Variants in KCND3 observed in about 807,000 individuals in gnomAD.
KCND3 encodes potassium voltage-gated channel subfamily D member 3, also known as A-type voltage-gated potassium channel KCND3.
A neutral mutation model predicts 51.1 loss-of-function variants in KCND3; 9 were observed. That is an observed-to-expected ratio of 0.18 (90% confidence interval 0.11 to 0.31). The LOEUF (loss-of-function observed/expected upper bound fraction) is 0.31, where lower values mean the gene tolerates loss of function less well. Ranked by LOEUF, KCND3 falls within the 10% of genes least tolerant of loss-of-function variation. The probability of loss-of-function intolerance (pLI) is 1.00; values close to 1 mark genes in which losing one functional copy is unlikely to be tolerated. For synonymous variants in KCND3, 349 were observed against 368.0 expected (o/e 0.95, Z 0.59); for missense variants, 526 against 903.8 (o/e 0.58, Z 5.36).
chr1:111,901,941 G>A (rs971581949), intron 2 of KCND3, among the ~76,000 whole-genome samples: 8 of 152,200 alleles, frequency 5.3e-5, no homozygotes, highest in Non-Finnish European at 1.2e-4. Context: ...AGCTGAGACT[G>A]AGGCCAGGAG....
At chr1:111,920,226 C>T (rs1184976826) in intron 2 of KCND3, among the ~76,000 whole-genome samples, 1 of 152,182 alleles carries the variant, frequency 6.6e-6, no homozygotes, top group East Asian at 1.9e-4. Flanking sequence ...AGAAGCAAAC[C>T]CTTGGGGAGG....
chr1:111,879,036 A>T (rs900534999), intron 2 of KCND3, among the ~76,000 whole-genome samples: 38 of 152,160 alleles, frequency 2.5e-4, no homozygotes, highest in Admixed American at 6.5e-5. Flanking sequence ...GAGCTGGGAT[A>T]TTGGTCTTTT....
chr1:111,952,846 G>A (rs1421510273), intron 2 of KCND3, among the ~76,000 whole-genome samples: 1 of 152,068 alleles, frequency 6.6e-6, no homozygotes. Flanking sequence ...GGGGATGGAG[G>A]AGGGTGTCTC....
chr1:111,982,631 G>C lies in KCND3; in HGVS notation c.96C>G (p.Ala32=). The change falls in exon 2 of 8, where the codon GCC becomes GCG. Residue 32 remains alanine (A), a synonymous_variant. Coordinates refer to ENST00000302127, the MANE Select transcript of KCND3 (RefSeq NM_001378969.1). The surrounding 1 kb of genome is among the most constrained non-coding windows in gnomAD (Gnocchi z 8.5). The part of the protein sequence containing the change: ...VANCPMPLAP[A]DKNKRQDELI... Reference sequence around the variant, plus strand: ...GCTCATCCTGCCGCTTGTTCTTGTCGGCCGGGGCCAGGGGCATGGGGCAGT... The same window carrying C: ...GCTCATCCTGCCGCTTGTTCTTGTCCGCCGGGGCCAGGGGCATGGGGCAGT... 6.2e-7 allele frequency: 1 copy of C among 1,613,822 alleles called. No homozygotes were observed. Among genetic ancestry groups the C allele is most frequent in the Non-Finnish European group, 8.5e-7 (1 of 1,179,910 alleles).
chr1:111,946,844 A>G (rs939852845), intron 2 of KCND3, among the ~76,000 whole-genome samples: 1 of 152,238 alleles, frequency 6.6e-6, no homozygotes, highest in Non-Finnish European at 1.5e-5. Flanking sequence ...GAATCTGCCA[A>G]TCAATAACAA....
At chr1:111,837,294 A>C (rs1309449647) in intron 2 of KCND3, among the ~76,000 whole-genome samples, 1 of 152,046 alleles carries the variant, frequency 6.6e-6, no homozygotes, top group Non-Finnish European at 1.5e-5. Context: ...GCCCCTCAAC[A>C]TTCCCACACC....
At chr1:111,924,533 T>C (rs1194457940) in intron 2 of KCND3, among the ~76,000 whole-genome samples, 1 of 152,228 alleles carries the variant, frequency 6.6e-6, no homozygotes, top group Non-Finnish European at 1.5e-5. Flanking sequence ...GCTCAGGGGT[T>C]GTCCAATGGA....
chr1:111,779,057 A>G (rs572886300), intron 5 of KCND3, among the ~76,000 whole-genome samples: 7 of 152,290 alleles, frequency 4.6e-5, no homozygotes, highest in African/African-American at 9.6e-5. Flanking sequence ...ATACATGAAT[A>G]TATGTTTTTG....
At chr1:111,914,272 T>TAAAA (rs144637961) in intron 2 of KCND3, among the ~76,000 whole-genome samples, 2 of 138,766 alleles carry the variant, frequency 1.4e-5, no homozygotes, top group Admixed American at 1.4e-4. Flanking sequence ...GAAAAAAGAT[T>TAAAA]AAAAAAAAAA....
chr1:111,780,211 G>T lies in KCND3; in HGVS notation c.1461+14C>A. The T allele has an allele frequency of 6.4e-7, 1 of 1,573,784 alleles. No homozygotes were observed. The highest frequency in any genetic ancestry group is 8.6e-7 in the Non-Finnish European group (1 of 1,158,650). On this transcript the variant is annotated intron_variant, in intron 5 of 7. Coordinates refer to ENST00000302127, the MANE Select transcript of KCND3 (RefSeq NM_001378969.1). This position sits in a 1 kb window ranked among gnomAD's most constrained non-coding sequence, Gnocchi z 4.2. The stretch of plus-strand genomic sequence containing the variant: ...TCAGCGATGAAAAGGAGGTGGCAAA[G>T]GGCTGGGACTCACAGTGGTTTTTTC...
chr1:111,835,756 T>C (rs1667038651), intron 2 of KCND3, among the ~76,000 whole-genome samples: 1 of 152,214 alleles, frequency 6.6e-6, no homozygotes, highest in Non-Finnish European at 1.5e-5. Context: ...TTATGAATAA[T>C]CCACCACTTG....
rs1342511268 is a variant in KCND3 at position 111,777,256 on chromosome 1, A to C, written c.1536T>G (p.Asp512Glu). The change falls in exon 7 of 8, where the codon GAT becomes GAG. Residue 512 changes from aspartate (D) to glutamate (E), a missense_variant. Transcript: ENST00000302127. The part of the protein sequence containing the change: ...TSTIKNHEFI[D>E]EQMFEQNCME... ...TGCAGTTCTGCTCAAACATCTGCTC[A>C]TCAATAAACTCGTGGTTCTGCGGGA... 6.2e-7 allele frequency: 1 copy of C among 1,614,202 alleles called. No individual in the cohort carries two copies. Among genetic ancestry groups the C allele is most frequent in the Admixed American group, 1.7e-5 (1 of 60,024 alleles).
chr1:111,881,477 G>A (rs1321462737), intron 2 of KCND3, among the ~76,000 whole-genome samples: 1 of 152,344 alleles, frequency 6.6e-6, no homozygotes, highest in Admixed American at 6.5e-5. Flanking sequence ...AACTCTGAGC[G>A]GGCTTCCCCT....
chr1:111,964,139 C>A (rs1673830814), intron 2 of KCND3, among the ~76,000 whole-genome samples: 1 of 152,202 alleles, frequency 6.6e-6, no homozygotes, highest in Non-Finnish European at 1.5e-5. Flanking sequence ...GGCTCCCAGC[C>A]AGGGCCAGGC....
At chr1:111,811,361 A>G (rs952931405) in intron 2 of KCND3, among the ~76,000 whole-genome samples, 2 of 152,208 alleles carry the variant, frequency 1.3e-5, no homozygotes, top group Non-Finnish European at 2.9e-5. Context: ...AATTTAGACA[A>G]AACCAGAAAA....
At chr1:111,822,869 G>A (rs755895724) in intron 2 of KCND3, among the ~76,000 whole-genome samples, 20 of 152,208 alleles carry the variant, frequency 1.3e-4, no homozygotes, top group South Asian at 4.1e-4. Flanking sequence ...ACAACCTAGC[G>A]TCTTTTGAGA....
chr1:111,804,238 C>A (rs1665458102), intron 2 of KCND3, among the ~76,000 whole-genome samples: 1 of 152,216 alleles, frequency 6.6e-6, no homozygotes, highest in South Asian at 2.1e-4. Flanking sequence ...CAATCAGAGC[C>A]TTTCTTTAGC....
intron 7 of KCND3, 82 bp downstream of exon 7, chr1:111,776,944 G>C: frequency 6.3e-7 from 1 of 1,598,378 alleles, no homozygotes; most frequent in African/African-American, 1.3e-5. Context: ...GGATCCTCAA[G>C]GTTCTCCTAA....
chr1:111,945,283 G>A (rs916662259), intron 2 of KCND3, among the ~76,000 whole-genome samples: 7 of 152,186 alleles, frequency 4.6e-5, no homozygotes, highest in Non-Finnish European at 5.9e-5. Context: ...CATGTGGCTC[G>A]GCATGCACAG....
Sources: gnomAD v4.1 joint callset for allele counts (sites outside exome capture counted in the v4.1 genomes callset) on GRCh38, gnomAD v4.1.1 for gene constraint, Gnocchi (gnomAD v3.1) non-coding constraint, MANE v1.5 for transcripts, NCBI Gene and HGNC (gene_info 2026-07-23, HGNC 2026-07-21) for gene names.